Variants in TTC3 observed in about 807,000 individuals in gnomAD.
TTC3 encodes tetratricopeptide repeat domain 3.
Under a neutral mutation model 249.6 loss-of-function variants are expected in TTC3, and 180 were observed. That is an observed-to-expected ratio of 0.72 (90% CI 0.64 to 0.82). TTC3 has a LOEUF of 0.82. Ranked by LOEUF, TTC3 falls within the 40% of genes least tolerant of loss-of-function variation. TTC3 has a pLI of 0.00. For synonymous variants in TTC3, 717 were observed against 805.0 expected, an observed-to-expected ratio of 0.89 and a Z score of 1.85; for missense variants, 2,061 against 2,398.4, an observed-to-expected ratio of 0.86 and a Z score of 2.94.
intron 1 of TTC3, among the ~76,000 whole-genome samples, chr21:37,085,103 G>C (rs917899948): frequency 2.0e-5 from 3 of 152,204 alleles, no homozygotes; most frequent in Non-Finnish European, 4.4e-5. Context: ...CGCTAGGCTT[G>C]AATGACCAGT....
intron 30 of TTC3, 79 bp downstream of exon 30, chr21:37,160,937 A>G: frequency 5.1e-6 from 7 of 1,366,366 alleles, no homozygotes; most frequent in Non-Finnish European, 7.0e-6. Context: ...GAATTGAGCA[A>G]TTCTTGGGAT....
intron 10 of TTC3, among the ~76,000 whole-genome samples, chr21:37,099,721 C>G (rs1357019597): frequency 1.3e-5 from 2 of 152,138 alleles, no homozygotes; most frequent in Non-Finnish European, 2.9e-5. Context: ...TAAATTGGTA[C>G]AATCACTTTG....
exon 22 of TTC3, chr21:37,147,546 T>C (rs758345151): frequency 2.5e-6 from 4 of 1,611,284 alleles, no homozygotes; most frequent in Non-Finnish European, 2.5e-6. Context: ...TTTGTTGCTA[T>C]CAGAAGTGCC....
At chr21:37,139,567 G>A (rs1280902506) in intron 19 of TTC3, among the ~76,000 whole-genome samples, 1 of 152,064 alleles carries the variant, frequency 6.6e-6, no homozygotes, top group Non-Finnish European at 1.5e-5. Context: ...TTTACGTTCT[G>A]TTCTCTCCCA....
chr21:37,099,264 A>C (rs1008026415), intron 10 of TTC3, among the ~76,000 whole-genome samples: 3 of 152,238 alleles, frequency 2.0e-5, no homozygotes, highest in Admixed American at 2.0e-4. Flanking sequence ...TGTATCTTAC[A>C]ACATGGTTAT....
At position 37,197,705 on chromosome 21, in the gene TTC3, T is replaced by A; in HGVS notation, c.5706+9T>A. 1.3e-6 allele frequency: 2 copies of A among 1,597,218 alleles called. No homozygotes were observed. The highest frequency in any genetic ancestry group is 1.7e-6 in the Non-Finnish European group (2 of 1,173,616). ...AACAGAAAAAGAAAAAGGTATTTTA[T>A]CTAGATGTTCCAGTTTATCCTTATT... On this transcript the variant is annotated intron_variant, in intron 43 of 45. Transcript: ENST00000355666.
intron 10 of TTC3, chr21:37,098,377 T>C (rs2074154455): frequency 6.3e-6 from 1 of 157,784 alleles, no homozygotes; most frequent in Admixed American, 6.5e-5. Flanking sequence ...CTTTCATGAG[T>C]GTTGAATGCT....
At chr21:37,073,337 G>A (rs967597881) in exon 1 of TTC3, 17 of 684,120 alleles carry the variant, frequency 2.5e-5, no homozygotes, top group Non-Finnish European at 3.1e-5. Flanking sequence ...TGCTGCCCGC[G>A]TCCGAGGCTC....
rs34514861 is a variant in TTC3, at chr21:37,101,351, T to TTGTGTGTGTG, written c.845+4734_845+4743dup. On this transcript the variant is annotated intron_variant, in intron 10 of 45. Coordinates refer to ENST00000355666, the Ensembl canonical transcript of TTC3. ...GTTTCTGTGAGAATTTCACAAATTC[T>TTGTGTGTGTG]TGTGTGTGTGTGTGTGTGTGTGTGT... 2.1e-4 allele frequency: 30 copies of TTGTGTGTGTG among 144,454 alleles called. 1 individual carries two copies. The South Asian group carries it at 3.8e-3, about 18-fold the overall frequency. 8.9% of individuals were successfully genotyped at this position (144,454 alleles called of 1,614,324 possible). A position where few individuals can be genotyped will look rare whatever the true frequency, so the allele number is the denominator to read the frequency against.
In TTC3 at chr21:37,167,551, A is replaced by T; in HGVS notation, c.4402-4A>T. On this transcript the variant is annotated splice_region_variant and splice_polypyrimidine_tract_variant and intron_variant, in intron 33 of 45. Coordinates refer to ENST00000355666, the Ensembl canonical transcript of TTC3. ...GTGAATTTTATTTTTTGTTTTGCCC[A>T]CAGGTATCTTGGAACATAATACACC... 1 of 1,606,034 alleles carries T rather than the reference A, an allele frequency of 6.2e-7. No individual in the cohort carries two copies. Among genetic ancestry groups the T allele is most frequent in the Non-Finnish European group, 8.5e-7 (1 of 1,175,310 alleles).
At chr21:37,074,291 A>T (rs1206332759) in intron 1 of TTC3, among the ~76,000 whole-genome samples, 3 of 152,214 alleles carry the variant, frequency 2.0e-5, no homozygotes, top group African/African-American at 7.2e-5. Flanking sequence ...TGACGCTGCC[A>T]GTGTGGCCTC....
chr21:37,149,952 C>A, intron 23 of TTC3, 126 bp from the exon 24 acceptor site: 1 of 653,192 alleles, frequency 1.5e-6, no homozygotes, highest in Non-Finnish European at 2.6e-6. Flanking sequence ...GGATTTTCAC[C>A]ACTTGCCTGA....
chr21:37,079,994 G>A (rs146841931), intron 1 of TTC3, among the ~76,000 whole-genome samples: 6 of 151,668 alleles, frequency 4.0e-5, no homozygotes, highest in Admixed American at 3.3e-4. Flanking sequence ...GGCCTAATTT[G>A]TTCTATTATT....
chr21:37,076,855 C>T (rs1285206931), intron 1 of TTC3, among the ~76,000 whole-genome samples: 2 of 151,930 alleles, frequency 1.3e-5, no homozygotes, highest in Non-Finnish European at 2.9e-5. Flanking sequence ...GCGCGCACCA[C>T]CACACCCGGC....
At chr21:37,132,803 T>C in intron 17 of TTC3, 37 bp downstream of exon 17, 1 of 1,500,156 alleles carries the variant, frequency 6.7e-7, no homozygotes, top group Non-Finnish European at 9.1e-7. Flanking sequence ...AAAGCAAAAC[T>C]CTTTGAACAA....
intron 11 of TTC3, among the ~76,000 whole-genome samples, chr21:37,120,211 T>C (rs776111188): frequency 1.3e-5 from 2 of 152,164 alleles, no homozygotes; most frequent in Non-Finnish European, 2.9e-5. Flanking sequence ...ACATGTGTGA[T>C]AGAGAATGAG....
intron 10 of TTC3, among the ~76,000 whole-genome samples, chr21:37,102,114 T>C (rs1001684282): frequency 6.6e-6 from 1 of 152,090 alleles, no homozygotes; most frequent in Admixed American, 6.5e-5. Flanking sequence ...TTACTCATGA[T>C]ATATGAATGA....
intron 36 of TTC3, among the ~76,000 whole-genome samples, chr21:37,184,666 A>C (rs2083076591): frequency 1.6e-5 from 2 of 127,290 alleles, no homozygotes; most frequent in Non-Finnish European, 3.2e-5. Flanking sequence ...ATGGGGTTTC[A>C]CCATGTTGGC....
At chr21:37,198,738 G>A (rs1296416307) in intron 44 of TTC3, among the ~76,000 whole-genome samples, 1 of 152,102 alleles carries the variant, frequency 6.6e-6, no homozygotes, top group East Asian at 1.9e-4. Context: ...TACCACTTTG[G>A]TATATATTTT....
Sources: allele counts gnomAD v4.1 joint callset (sites outside exome capture counted in the v4.1 genomes callset), GRCh38; gene constraint gnomAD v4.1.1; transcripts MANE v1.5; gene names NCBI Gene and HGNC (gene_info 2026-07-23, HGNC 2026-07-21).